The following NTRK3 variants were observed in gnomAD, a reference collection of about 807,000 sequenced individuals.
NTRK3 encodes the protein NT-3 growth factor receptor.
NTRK3 carries 24 observed loss-of-function variants against 91.7 expected under a neutral mutation model. The ratio of observed to expected loss-of-function variants is 0.26; its 90% CI spans 0.19 to 0.37. The LOEUF is 0.37. NTRK3 is among the 10% of genes least tolerant of loss of function. NTRK3 has a pLI of 1.00. For missense variants in NTRK3, 880 were observed against 1,068.9 expected (o/e 0.82, Z 2.46); for synonymous variants, 483 against 404.0 (o/e 1.20, Z -2.34).
intron 3 of NTRK3, among the ~76,000 whole-genome samples, chr15:88,232,867 A>G (rs973809633): frequency 1.3e-5 from 2 of 152,100 alleles, no homozygotes; most frequent in African/African-American, 4.8e-5. Flanking sequence ...TTGTGGAGTG[A>G]TGTCACTACC....
intron 14 of NTRK3, among the ~76,000 whole-genome samples, chr15:87,952,075 C>T (rs781349882): frequency 2.6e-5 from 4 of 151,282 alleles, no homozygotes; most frequent in Non-Finnish European, 4.4e-5. Flanking sequence ...TGCAGTCAGC[C>T]GAGATGGCGC....
chr15:87,953,173 C>T (rs1040974064), intron 14 of NTRK3, among the ~76,000 whole-genome samples: 8 of 152,126 alleles, frequency 5.3e-5, no homozygotes, highest in Non-Finnish European at 8.8e-5. Flanking sequence ...TCCCACCCTA[C>T]AATTCTATAG....
At chr15:88,148,228 A>T (rs1339877004) in intron 5 of NTRK3, among the ~76,000 whole-genome samples, 1 of 152,070 alleles carries the variant, frequency 6.6e-6, no homozygotes, top group Non-Finnish European at 1.5e-5. Context: ...GCAAACACAG[A>T]CTCTTGTTTA....
At chr15:87,996,145 G>A (rs769779125) in intron 14 of NTRK3, among the ~76,000 whole-genome samples, 3 of 152,166 alleles carry the variant, frequency 2.0e-5, no homozygotes, top group African/African-American at 7.2e-5. Flanking sequence ...TTGGGAGGCT[G>A]AGGCAGAAGA....
At chr15:87,879,130 A>T (rs890667854) in intron 18 of NTRK3, among the ~76,000 whole-genome samples, 1 of 152,280 alleles carries the variant, frequency 6.6e-6, no homozygotes, top group Admixed American at 6.5e-5. Flanking sequence ...CACGTTTTAA[A>T]AAATAATTTC....
intron 13 of NTRK3, among the ~76,000 whole-genome samples, chr15:88,101,470 G>T (rs1315606930): frequency 6.6e-6 from 1 of 152,200 alleles, no homozygotes; most frequent in African/African-American, 2.4e-5. Context: ...GATTCCTCAG[G>T]AATCTAGAAC....
intron 13 of NTRK3, among the ~76,000 whole-genome samples, chr15:88,122,863 C>G (rs1468626484): frequency 6.6e-6 from 1 of 152,142 alleles, no homozygotes; most frequent in Non-Finnish European, 1.5e-5. Context: ...AAATTAAAGT[C>G]ATTCATTTCT....
intron 18 of NTRK3, among the ~76,000 whole-genome samples, chr15:87,877,531 A>G (rs543763260): frequency 1.3e-5 from 2 of 152,160 alleles, no homozygotes; most frequent in Admixed American, 6.5e-5. Context: ...CCTCACTTTG[A>G]AACTGCCATG....
chr15:87,942,077 GT>G (rs374216748), intron 14 of NTRK3, among the ~76,000 whole-genome samples: 18 of 152,192 alleles, frequency 1.2e-4, no homozygotes, highest in Admixed American at 1.2e-3. Flanking sequence ...TTGGGGTAGT[GT>G]TTTTTTGGTT....
At chr15:88,199,732 G>T (rs1017963608) in intron 3 of NTRK3, among the ~76,000 whole-genome samples, 1 of 152,176 alleles carries the variant, frequency 6.6e-6, no homozygotes, top group East Asian at 1.9e-4. Flanking sequence ...CCAGCACCGG[G>T]GAAAGTGTCT....
At chr15:88,165,643 T>G (rs888278650) in intron 5 of NTRK3, among the ~76,000 whole-genome samples, 2 of 152,194 alleles carry the variant, frequency 1.3e-5, no homozygotes, top group Non-Finnish European at 2.9e-5. Flanking sequence ...TTAAAGATAT[T>G]TGTCCACTGA....
intron 5 of NTRK3, among the ~76,000 whole-genome samples, chr15:88,169,948 C>T (rs1208238812): frequency 6.6e-6 from 1 of 152,154 alleles, no homozygotes; most frequent in Admixed American, 6.5e-5. Flanking sequence ...CCCAGGGAGC[C>T]CCAAGTCCTC....
chr15:87,951,330 G>C (rs1432405192), intron 14 of NTRK3, among the ~76,000 whole-genome samples: 1 of 152,142 alleles, frequency 6.6e-6, no homozygotes, highest in South Asian at 2.1e-4. Context: ...CTCACCTCCT[G>C]GGCAGCTCAG....
Position 87,910,982 on chromosome 15 carries a change from AAAAGTACT to A in NTRK3, c.2133+18201_2133+18208del, listed in dbSNP as rs2067058461. Among the ~76,000 whole-genome samples the A allele has an allele frequency of 3.3e-5, 5 of 152,222 alleles. 1 individual carries two copies. The South Asian group carries it at 8.3e-4, about 25-fold the overall frequency. On this transcript the variant is annotated intron_variant, in intron 17 of 18. Transcript: ENST00000394480. ...GCCCAAAAAATTAAGACAGAAGATG[AAAAGTACT>A]TATTTCAATATTCAGGCAAAGTTAG...
intron 14 of NTRK3, among the ~76,000 whole-genome samples, chr15:87,956,604 G>A (rs1395603363): frequency 2.0e-5 from 3 of 151,132 alleles, no homozygotes; most frequent in African/African-American, 4.9e-5. Context: ...GAGTCTTGCT[G>A]TGCTGCCCAG....
chr15:87,996,054 G>T (rs1165773526), intron 14 of NTRK3, among the ~76,000 whole-genome samples: 1 of 151,968 alleles, frequency 6.6e-6, no homozygotes, highest in African/African-American at 2.4e-5. Flanking sequence ...GACCAGCCTG[G>T]CCAGCATGAC....
chr15:88,184,146 C>T, intron 4 of NTRK3, 79 bp downstream of exon 4: 1 of 1,413,652 alleles, frequency 7.1e-7, no homozygotes, highest in Admixed American at 1.8e-5. Flanking sequence ...CTGTGCCCCT[C>T]ACGCCACCCC....
chr15:88,041,824 T>TAAAAA (rs35696268), intron 13 of NTRK3, among the ~76,000 whole-genome samples: 3 of 90,236 alleles, frequency 3.3e-5, no homozygotes, highest in African/African-American at 1.3e-4. Flanking sequence ...AAGTCCCTCA[T>TAAAAA]AAAAAAAAAA....
chr15:87,892,113 C>CAT (rs1555430907), intron 17 of NTRK3, among the ~76,000 whole-genome samples: 1 of 151,062 alleles, frequency 6.6e-6, no homozygotes, highest in African/African-American at 2.4e-5. Flanking sequence ...CACACACACA[C>CAT]GCACGCACAC....
Sources: allele counts gnomAD v4.1 joint callset (sites outside exome capture counted in the v4.1 genomes callset), GRCh38; gene constraint gnomAD v4.1.1; transcripts MANE v1.5; gene names NCBI Gene and HGNC (gene_info 2026-07-23, HGNC 2026-07-21).